Variants in AKAP6 observed in about 807,000 individuals in gnomAD.
The protein encoded by AKAP6 is A-kinase anchoring protein 6.
A neutral mutation model predicts 188.5 loss-of-function variants in AKAP6; 58 were observed. The ratio of observed to expected loss-of-function variants is 0.31; its 90% confidence interval spans 0.25 to 0.38. The LOEUF (loss-of-function observed/expected upper bound fraction) is 0.38. AKAP6 is among the 10% of genes least tolerant of loss of function. AKAP6 has a pLI of 1.00. For missense variants in AKAP6, 2,710 were observed against 2,740.0 expected (o/e 0.99, Z 0.24); for synonymous variants, 989 against 998.6 (o/e 0.99, Z 0.18).
At chr14:32,814,893 C>A (rs772159284) in intron 12 of AKAP6, among the ~76,000 whole-genome samples, 1 of 152,008 alleles carries the variant, frequency 6.6e-6, no homozygotes, top group East Asian at 1.9e-4. Flanking sequence ...CATGCCTGGG[C>A]AATCAGTAAT....
intron 12 of AKAP6, among the ~76,000 whole-genome samples, chr14:32,793,838 C>G (rs182618410): frequency 6.7e-6 from 1 of 148,466 alleles, no homozygotes; most frequent in Non-Finnish European, 1.5e-5. Flanking sequence ...ACAGAAGCAC[C>G]GAAATTCATA....
intron 2 of AKAP6, among the ~76,000 whole-genome samples, chr14:32,482,987 GTGTATA>G (rs1188435801): frequency 1.2e-4 from 9 of 75,476 alleles, no homozygotes; most frequent in East Asian, 6.5e-4. Context: ...GTGTGTGTGT[GTGTATA>G]TATATATATA....
chr14:32,682,438 C>G (rs1368727007), intron 8 of AKAP6, among the ~76,000 whole-genome samples: 1 of 152,222 alleles, frequency 6.6e-6, no homozygotes, highest in Admixed American at 6.5e-5. Flanking sequence ...TCTCCAGCAT[C>G]TGGCGCAGTG....
At chr14:32,528,448 T>G (rs1359143047) in intron 2 of AKAP6, among the ~76,000 whole-genome samples, 1 of 152,202 alleles carries the variant, frequency 6.6e-6, no homozygotes, top group African/African-American at 2.4e-5. Flanking sequence ...TTCTCTATTG[T>G]GTTGCCTTTG....
At chr14:32,519,450 A>T (rs929608155) in intron 2 of AKAP6, among the ~76,000 whole-genome samples, 1 of 152,200 alleles carries the variant, frequency 6.6e-6, no homozygotes, top group Non-Finnish European at 1.5e-5. Context: ...CAGGAGACCC[A>T]TCTCACATGC....
chr14:32,351,056 A>G (rs922637387), intron 1 of AKAP6, among the ~76,000 whole-genome samples: 1 of 152,192 alleles, frequency 6.6e-6, no homozygotes, highest in Non-Finnish European at 1.5e-5. Context: ...CTTGGTTTTC[A>G]GACAGAATAT....
rs2034857364 is a variant in AKAP6, at chr14:32,834,756, T to C, written c.*4951T>C. On this transcript the variant is annotated 3_prime_UTR_variant, in exon 14 of 14. Coordinates refer to ENST00000280979, the MANE Select transcript of AKAP6 (RefSeq NM_004274.5). ...TGACTTTGCATTCACAGCCACTCTT[T>C]AATGAAGATTGATTGAATAACTGAC... 6.6e-6 allele frequency: 1 copy of C among 152,028 alleles called. No individual in the cohort carries two copies. 9.4% of individuals were successfully genotyped at this position (152,028 alleles called of 1,614,324 possible).
At chr14:32,637,541 ATATAAGAC>A (rs1298277561) in intron 7 of AKAP6, among the ~76,000 whole-genome samples, 2 of 152,084 alleles carry the variant, frequency 1.3e-5, no homozygotes, top group African/African-American at 4.8e-5. Context: ...TATTTGTAAC[ATATAAGAC>A]TATGTGCAAT....
In AKAP6 at chr14:32,710,470, A is replaced by G. The variant is rs1891000728; in HGVS notation, c.3000+14360A>G. On this transcript the variant is annotated intron_variant, in intron 9 of 13. Coordinates refer to ENST00000280979, the MANE Select transcript of AKAP6 (RefSeq NM_004274.5). ...AACATAAAAGAAGTGATGGAGAAAA[A>G]GATGTTAAGAGACACACAACATTTC... is the stretch of plus-strand genomic sequence containing the variant. 2.0e-5 allele frequency among the ~76,000 whole-genome samples: 3 copies of G among 152,098 alleles called. No homozygotes were observed. In the South Asian group the frequency reaches 6.2e-4, roughly 31 times the overall value.
intron 5 of AKAP6, among the ~76,000 whole-genome samples, chr14:32,596,077 A>T (rs1885689839): frequency 6.6e-6 from 1 of 152,148 alleles, no homozygotes; most frequent in South Asian, 2.1e-4. Context: ...GCACCTGGCA[A>T]AACTAACAGT....
chr14:32,486,236 A>AAGTCAGGTAGTATAGTTTGC (rs1347714511), intron 2 of AKAP6, among the ~76,000 whole-genome samples: 2 of 152,146 alleles, frequency 1.3e-5, no homozygotes, highest in South Asian at 2.1e-4. Flanking sequence ...GTATAGTTTG[A>AAGTCAGGTAGTATAGTTTGC]AGTCAGGTAG....
chr14:32,660,924 A>ACCCC (rs1240351554), intron 7 of AKAP6, among the ~76,000 whole-genome samples: 40 of 41,050 alleles, frequency 9.7e-4, no homozygotes, highest in Middle Eastern at 0.024. Flanking sequence ...CTTCCCCGCC[A>ACCCC]CCCCCCCCCC....
intron 12 of AKAP6, among the ~76,000 whole-genome samples, chr14:32,801,931 C>A (rs2140091777): frequency 6.6e-6 from 1 of 152,188 alleles, no homozygotes; most frequent in South Asian, 2.1e-4. Context: ...TTAAGATTTT[C>A]TCTTTGTCTT....
chr14:32,547,716 C>T (rs10138908), intron 4 of AKAP6, among the ~76,000 whole-genome samples: 2,648 of 152,126 alleles, frequency 0.017, 66 homozygotes, highest in African/African-American at 0.057. Flanking sequence ...CGGTGGCACA[C>T]ACCTGTGGTC....
chr14:32,727,168 C>T (rs143938538), intron 9 of AKAP6, among the ~76,000 whole-genome samples: 133 of 152,034 alleles, frequency 8.7e-4, no homozygotes, highest in African/African-American at 3.1e-3. Context: ...TAAATTTTAC[C>T]TATAGGAGAC....
chr14:32,360,980 C>G (rs978201847), intron 1 of AKAP6, among the ~76,000 whole-genome samples: 1 of 150,852 alleles, frequency 6.6e-6, no homozygotes, highest in Non-Finnish European at 1.5e-5. Context: ...AACTCCTGGG[C>G]TCAAGTGATC....
At chr14:32,338,738 C>A (rs1382850988) in intron 1 of AKAP6, among the ~76,000 whole-genome samples, 1 of 152,056 alleles carries the variant, frequency 6.6e-6, no homozygotes, top group African/African-American at 2.4e-5. Flanking sequence ...GTTCTTAGAG[C>A]CTCATTTTTC....
At position 32,335,842 on chromosome 14, in the gene AKAP6, CTTTT is replaced by C. The variant is rs375076849; in HGVS notation, c.-35+6454_-35+6457del. 3.0e-3 allele frequency among the ~76,000 whole-genome samples: 286 copies of C among 93,992 alleles called. 3 individuals are homozygous for C. The highest frequency in any genetic ancestry group is 8.6e-3 in the African/African-American group (200 of 23,168). 61.7% of individuals were successfully genotyped at this position (93,992 alleles called of 152,430 possible). ...TTTTTTTTAATACTATCCTTTTCTCCTTTTTTTTTTTTTTTTTTTTTTTAATTCT... is the reference window on the plus strand; with the variant it reads ...TTTTTTTTAATACTATCCTTTTCTCCTTTTTTTTTTTTTTTTTTTAATTCT... On this transcript the variant is annotated intron_variant, in intron 1 of 13. Transcript: ENST00000280979.
chr14:32,443,406 A>C (rs11628452), intron 2 of AKAP6, among the ~76,000 whole-genome samples: 58,822 of 109,800 alleles, frequency 0.54, 14,232 homozygotes, highest in Non-Finnish European at 0.61. Context: ...ACAAAACAAA[A>C]CAAAAAAAAA....
Sources: allele counts gnomAD v4.1 joint callset (sites outside exome capture counted in the v4.1 genomes callset), GRCh38; gene constraint gnomAD v4.1.1; transcripts MANE v1.5; gene names NCBI Gene and HGNC (gene_info 2026-07-23, HGNC 2026-07-21).